The following COL12A1 variants were observed in gnomAD, a reference collection of about 807,000 sequenced individuals.
The protein encoded by COL12A1 is collagen type XII alpha 1 chain.
In COL12A1, 114 loss-of-function variants were observed where a neutral mutation model predicts 349.7. The ratio of observed to expected loss-of-function variants is 0.33; its 90% CI spans 0.28 to 0.38. The LOEUF (loss-of-function observed/expected upper bound fraction) is 0.38, where lower values mean the gene tolerates loss of function less well. Ranked by LOEUF, COL12A1 falls within the 10% of genes least tolerant of loss-of-function variation. The pLI is 1.00. For synonymous variants in COL12A1, 1,369 were observed against 1,329.0 expected, an observed-to-expected ratio of 1.03 and a Z score of -0.66; for missense variants, 3,284 against 3,756.9, an observed-to-expected ratio of 0.87 and a Z score of 3.29.
chr6:75,142,224 T>C, intron 26 of COL12A1, 63 bp from the exon 27 acceptor site: 1 of 1,578,128 alleles, frequency 6.3e-7, no homozygotes, highest in Non-Finnish European at 8.7e-7. Flanking sequence ...CATCTCTCTG[T>C]TGTTTACTGT....
chr6:75,136,360 A>G (rs1766608741), intron 31 of COL12A1, among the ~76,000 whole-genome samples: 1 of 152,164 alleles, frequency 6.6e-6, no homozygotes, highest in African/African-American at 2.4e-5. Context: ...AATGCATCAC[A>G]CTACCTAAGA....
At chr6:75,113,482 A>G in intron 50 of COL12A1, 120 bp downstream of exon 50, 2 of 1,024,074 alleles carry the variant, frequency 2.0e-6, no homozygotes, top group Non-Finnish European at 2.6e-6. Flanking sequence ...AAAAGTTCAA[A>G]CATAAAAGTA....
chr6:75,157,631 A>G (rs556343743), intron 14 of COL12A1, among the ~76,000 whole-genome samples: 35 of 152,252 alleles, frequency 2.3e-4, no homozygotes, highest in Admixed American at 1.9e-3. Context: ...GGCCTCCCTT[A>G]ATTGTCAAGA....
At chr6:75,187,960 G>A (rs171264) in intron 8 of COL12A1, among the ~76,000 whole-genome samples, 133,330 of 152,086 alleles carry the variant, frequency 0.88, 58,768 homozygotes, top group Non-Finnish European at 0.93. Flanking sequence ...TAGCTAGTTA[G>A]CAGAAACATT....
chr6:75,130,831 G>C (rs372374721), intron 36 of COL12A1, 21 bp downstream of exon 36: 60 of 1,613,676 alleles, frequency 3.7e-5, no homozygotes, highest in Non-Finnish European at 4.9e-5. Flanking sequence ...GAATGGAATG[G>C]AGAAAGGATT....
intron 31 of COL12A1, among the ~76,000 whole-genome samples, chr6:75,136,816 A>G (rs1421948635): frequency 6.6e-6 from 1 of 152,184 alleles, no homozygotes; most frequent in Non-Finnish European, 1.5e-5. Context: ...AAAGTAAGGG[A>G]GGTAAAATGG....
chr6:75,105,157 T>G (rs1229586822), intron 54 of COL12A1, 49 bp downstream of exon 54: 1 of 1,490,120 alleles, frequency 6.7e-7, no homozygotes, highest in South Asian at 1.2e-5. Context: ...AGATAATCAC[T>G]CTAAAGATTT....
At chr6:75,163,831 T>C (rs1472035019) in intron 14 of COL12A1, among the ~76,000 whole-genome samples, 3 of 152,194 alleles carry the variant, frequency 2.0e-5, no homozygotes, top group Non-Finnish European at 4.4e-5. Flanking sequence ...ACATCTCTTG[T>C]AGACATTTTA....
Position 75,134,795 on chromosome 6 carries a change from A to G in COL12A1, c.5455T>C (p.Tyr1819His). ...TACAGAGAGGATACGGTGATAGTGT[A>G]AGGAGTGTCTGGCTTCAGTTTCTGC... is the stretch of plus-strand genomic sequence containing the variant. Reference protein sequence around the residue: ...VLQKLKPDTPYTITVSSLYPD... With the variant: ...VLQKLKPDTPHTITVSSLYPD... The change falls in exon 32 of 66, where the codon TAC becomes CAC. Residue 1819 changes from tyrosine (Y) to histidine (H), a missense_variant. This residue lies in a region of COL12A1 where 2,601 missense variants were observed against 2,824.8 expected (regional missense o/e 0.92). Transcript: ENST00000322507. 3 of 1,613,426 alleles carry G rather than the reference A, an allele frequency of 1.9e-6. 1 individual carries two copies. In the South Asian group the frequency reaches 3.3e-5, roughly 18 times the overall value.
At chr6:75,132,437 G>A (rs1349193301) in intron 34 of COL12A1, among the ~76,000 whole-genome samples, 1 of 152,184 alleles carries the variant, frequency 6.6e-6, no homozygotes, top group Non-Finnish European at 1.5e-5. Flanking sequence ...CATTTTTTAA[G>A]AGTCTGCCTT....
At chr6:75,185,870 G>T (rs1199283652) in intron 8 of COL12A1, among the ~76,000 whole-genome samples, 1 of 152,122 alleles carries the variant, frequency 6.6e-6, no homozygotes, top group Non-Finnish European at 1.5e-5. Flanking sequence ...CTGGGGAAAG[G>T]ACCCCCTATT....
Position 75,189,552 on chromosome 6 carries a change from C to T in COL12A1, c.658G>A (p.Gly220Arg). Residue 220 changes from glycine to arginine, a missense_variant and splice_region_variant, in exon 6 of 66, where the codon GGG becomes AGG. By Grantham distance (125) the Gly-to-Arg change is moderately radical (BLOSUM62 -2). This residue lies in a region of COL12A1 where 2,601 missense variants were observed against 2,824.8 expected (regional missense o/e 0.92). Coordinates refer to ENST00000322507, the MANE Select transcript of COL12A1 (RefSeq NM_004370.6). ...IPYKGGNTMT[G>R]DAIDYLVKNT... ...CTTTAAAAAAATCTGTAGAACATAC[C>T]TGTCATTGTGTTGCCACCTTTATAT... 6.2e-7 allele frequency: 1 copy of T among 1,610,868 alleles called. No homozygotes were observed. Among genetic ancestry groups the T allele is most frequent in the Non-Finnish European group, 8.5e-7 (1 of 1,178,452 alleles).
chr6:75,200,450 G>A (rs1198316401), intron 2 of COL12A1, among the ~76,000 whole-genome samples: 1 of 152,158 alleles, frequency 6.6e-6, no homozygotes, highest in East Asian at 1.9e-4. Flanking sequence ...GCAAACCCCT[G>A]TAGTACCAGC....
At chr6:75,153,186 G>GAA in intron 17 of COL12A1, among the ~76,000 whole-genome samples, 1 of 152,104 alleles carries the variant, frequency 6.6e-6, no homozygotes, top group African/African-American at 2.4e-5. Flanking sequence ...AATATAGATG[G>GAA]TGAAGTTTGC....
chr6:75,172,005 G>A (rs144516161), intron 13 of COL12A1, among the ~76,000 whole-genome samples: 1 of 152,320 alleles, frequency 6.6e-6, no homozygotes, highest in African/African-American at 2.4e-5. Flanking sequence ...GGAATTAACT[G>A]TATTTTTTTA....
At chr6:75,105,082 T>C (rs1768481687) in intron 54 of COL12A1, 124 bp downstream of exon 54, 1 of 656,136 alleles carries the variant, frequency 1.5e-6, no homozygotes, top group East Asian at 3.0e-5. Flanking sequence ...GTCTGCAATT[T>C]AGCTTGCTCT....
intron 59 of COL12A1, among the ~76,000 whole-genome samples, chr6:75,096,672 A>G (rs1281625399): frequency 1.3e-5 from 2 of 152,166 alleles, no homozygotes; most frequent in Admixed American, 6.5e-5. Context: ...CGAGGCCGGC[A>G]GATCACGAGG....
intron 34 of COL12A1, 43 bp from the exon 35 acceptor site, chr6:75,132,125 T>C (rs1012445185): frequency 6.2e-7 from 1 of 1,604,866 alleles, no homozygotes; most frequent in Non-Finnish European, 8.5e-7. Context: ...AGTCTGTTTA[T>C]ATATCTCAAG....
chr6:75,123,356 G>T lies in COL12A1; in HGVS notation c.6920C>A (p.Pro2307His), dbSNP rs561248120. The change falls in exon 43 of 66, where the codon CCT becomes CAT. Residue 2307 changes from proline to histidine, a missense_variant. Physicochemically the swap from Pro to His is moderately conservative, Grantham distance 77. Transcript: ENST00000322507. The stretch of plus-strand genomic sequence containing the variant: ...ATCCCGGGCTGGTGGAATGGTGGGA[G>T]GGGGAGGAGGTGTGGGTGGCTCTGT... ...APTEPPTPPP[P>H]PTIPPARDVC... The T allele has an allele frequency of 1.2e-6, 2 of 1,607,874 alleles. No homozygotes were observed. The highest frequency in any genetic ancestry group is 1.3e-5 in the African/African-American group (1 of 74,888).
Sources: gnomAD v4.1 joint callset for allele counts (sites outside exome capture counted in the v4.1 genomes callset) on GRCh38, gnomAD v4.1.1 for gene constraint, gnomAD v4.1.1 regional missense constraint, MANE v1.5 for transcripts, NCBI Gene and HGNC (gene_info 2026-07-23, HGNC 2026-07-21) for gene names.